Variants in RHCG observed in about 807,000 individuals in gnomAD.
RHCG encodes the protein Rh family C glycoprotein, also known as ammonium transporter Rh type C.
In RHCG, 39 loss-of-function variants were observed where a neutral mutation model predicts 55.3. The observed-to-expected ratio is 0.70, with a 90% CI of 0.55 to 0.92. The LOEUF (loss-of-function observed/expected upper bound fraction) is 0.92. Ranked by LOEUF, RHCG falls within the 40% of genes least tolerant of loss-of-function variation. The pLI, the probability that RHCG is intolerant of heterozygous loss-of-function variation, is 0.00. For missense variants in RHCG, 635 were observed against 627.9 expected, an observed-to-expected ratio of 1.01 and a Z score of -0.12; for synonymous variants, 250 against 246.8, an observed-to-expected ratio of 1.01 and a Z score of -0.12.
chr15:89,478,023 C>A, intron 5 of RHCG, 49 bp from the exon 6 acceptor site: 2 of 1,559,652 alleles, frequency 1.3e-6, no homozygotes, highest in South Asian at 1.2e-5. Flanking sequence ...CTCCCTGGAG[C>A]ACCGGGCCTG....
At chr15:89,490,506 A>G (rs1174384916) in intron 1 of RHCG, among the ~76,000 whole-genome samples, 1 of 152,238 alleles carries the variant, frequency 6.6e-6, no homozygotes, top group African/African-American at 2.4e-5. Context: ...GGTTTATCAC[A>G]TTTCTAACTG....
At chr15:89,480,215 A>G (rs560257094) in intron 4 of RHCG, 46 bp downstream of exon 4, 30 of 1,611,256 alleles carry the variant, frequency 1.9e-5, no homozygotes, top group Middle Eastern at 1.7e-4. Flanking sequence ...CATCATGGCC[A>G]CCTTCACCCA....
At chr15:89,496,300 T>C in intron 1 of RHCG, 61 bp downstream of exon 1, 1 of 1,578,136 alleles carries the variant, frequency 6.3e-7, no homozygotes, top group Non-Finnish European at 8.7e-7. Flanking sequence ...GGCCGAGCCC[T>C]TGGCCAGGTG....
At position 89,480,349 on chromosome 15, in the gene RHCG, T is replaced by C. The variant is rs1162809958; in HGVS notation, c.582A>G (p.Thr194=). ...IHTFGAYFGL[T]VTRILYRRNL... is the part of the protein sequence containing the mutation. ...TGCGTCGGTAGAGGATCCGGGTCAC[T>C]GTGAGCCCAAAGTAGGCGCCAAATG... The change falls in exon 4 of 11, where the codon ACA becomes ACG. Residue 194 remains threonine (T), a synonymous_variant. Coordinates refer to ENST00000268122, the MANE Select transcript of RHCG (RefSeq NM_016321.3). 6.2e-7 allele frequency: 1 copy of C among 1,614,186 alleles called. No individual in the cohort carries two copies. Among genetic ancestry groups the C allele is most frequent in the South Asian group, 1.1e-5 (1 of 91,078 alleles).
At chr15:89,478,031 C>T in intron 5 of RHCG, 57 bp from the exon 6 acceptor site, 2 of 1,546,854 alleles carry the variant, frequency 1.3e-6, no homozygotes, top group East Asian at 2.3e-5. Flanking sequence ...AGCACCGGGC[C>T]TGGAGGAGCT....
At position 89,477,305 on chromosome 15, in the gene RHCG, C is replaced by A; in HGVS notation, c.1113-99G>T. 6.6e-7 allele frequency: 1 copy of A among 1,523,234 alleles called. No homozygotes were observed. The highest frequency in any genetic ancestry group is 9.0e-7 in the Non-Finnish European group (1 of 1,113,652). The allele number at this position is 1,523,234 out of a possible 1,614,324, so 94.4% of individuals were successfully genotyped here. A position where few individuals can be genotyped will look rare whatever the true frequency, so the allele number is the denominator to read the frequency against. ...GTGACCGGGTACCACGGGCCTCAGC[C>A]TTCCCACCCACAACATGGGGACACC... On this transcript the variant is annotated intron_variant, in intron 7 of 10. Coordinates refer to ENST00000268122, the MANE Select transcript of RHCG (RefSeq NM_016321.3). This position sits in a 1 kb window ranked among gnomAD's most constrained non-coding sequence, Gnocchi z 4.5.
chr15:89,491,561 G>A (rs1240738340), intron 1 of RHCG, among the ~76,000 whole-genome samples: 1 of 152,218 alleles, frequency 6.6e-6, no homozygotes, highest in Admixed American at 6.5e-5. Flanking sequence ...GAGGTCAGGA[G>A]TTCGAGACCA....
rs2141889087 is a variant in RHCG, at chr15:89,477,113, C to G, written c.1206G>C (p.Leu402=). 6.2e-7 allele frequency: 1 copy of G among 1,614,056 alleles called. No individual in the cohort carries two copies. Among genetic ancestry groups the G allele is most frequent in the East Asian group, 2.2e-5 (1 of 44,862 alleles). The change falls in exon 8 of 11, where the codon CTG becomes CTC. Residue 402 remains leucine, a synonymous_variant. Coordinates refer to ENST00000268122, the MANE Select transcript of RHCG (RefSeq NM_016321.3). This position sits in a 1 kb window ranked among gnomAD's most constrained non-coding sequence, Gnocchi z 4.5. ...TGATGCCACCCATCAGGGCCATGGC[C>G]AGGGTCACCAAGAGACCATAAATCT... ...KFQIYGLLVT[L]AMALMGGIIV...
Position 89,496,370 on chromosome 15 carries a change from G to A in RHCG, c.175C>T (p.Arg59Cys), listed in dbSNP as rs2141906544. Reference sequence around the variant, plus strand: ...AGGCGGCGAGACTTACTTGGGTAGCGATAGTAGAATTCGTTCTCCATGTCG... The same window carrying A: ...AGGCGGCGAGACTTACTTGGGTAGCAATAGTAGAATTCGTTCTCCATGTCG... ...LSDMENEFYY[R>C]YPSFQDVHVM... The change falls in exon 1 of 11, where the codon CGC becomes TGC. Residue 59 changes from arginine to cysteine, a missense_variant. By Grantham distance (180) the Arg-to-Cys change is radical (BLOSUM62 -3). Coordinates refer to ENST00000268122, the MANE Select transcript of RHCG (RefSeq NM_016321.3). 6.2e-7 allele frequency: 1 copy of A among 1,613,872 alleles called. No homozygotes were observed. The highest frequency in any genetic ancestry group is 2.2e-5 in the East Asian group (1 of 44,874).
chr15:89,477,155 T>C lies in RHCG; in HGVS notation c.1164A>G (p.Arg388=). ...FQGFNGDWTA[R]TQGKFQIYGL... ...CATAAATCTGGAACTTTCCCTGTGTTCTTGCGGTCCAGTCCCCGTTGAAAC... is the reference window on the plus strand; with the variant it reads ...CATAAATCTGGAACTTTCCCTGTGTCCTTGCGGTCCAGTCCCCGTTGAAAC... Residue 388 remains arginine, a synonymous_variant, in exon 8 of 11, where the codon AGA becomes AGG. Coordinates refer to ENST00000268122, the MANE Select transcript of RHCG (RefSeq NM_016321.3). The surrounding 1 kb of genome is among the most constrained non-coding windows in gnomAD (Gnocchi z 4.5). 6.2e-7 allele frequency: 1 copy of C among 1,614,052 alleles called. No individual in the cohort carries two copies. Among genetic ancestry groups the C allele is most frequent in the Non-Finnish European group, 8.5e-7 (1 of 1,180,012 alleles).
chr15:89,477,617 A>C lies in RHCG; in HGVS notation c.1012T>G (p.Cys338Gly), dbSNP rs186987731. The C allele has an allele frequency of 2.4e-5, 38 of 1,614,022 alleles. No individual in the cohort carries two copies. In the African/African-American group the frequency reaches 4.3e-4, roughly 18 times the overall value. ...LESRLHIQDT[C>G]GINNLHGIPG... ...ATGCCATGCAGATTGTTAATGCCAC[A>C]TGTGTCCTGGATGTGCAGCCGGGAC... is the stretch of plus-strand genomic sequence containing the variant. The change falls in exon 7 of 11, where the codon TGT becomes GGT. Residue 338 changes from cysteine to glycine, a missense_variant. Cys to Gly is a radical substitution (Grantham distance 159). Transcript: ENST00000268122. The surrounding 1 kb of genome is among the most constrained non-coding windows in gnomAD (Gnocchi z 4.5).
At chr15:89,494,863 G>A (rs1023515149) in intron 1 of RHCG, among the ~76,000 whole-genome samples, 4 of 152,042 alleles carry the variant, frequency 2.6e-5, no homozygotes, top group Non-Finnish European at 5.9e-5. Flanking sequence ...ACCTGTGAAC[G>A]CCCATGGGAG....
intron 1 of RHCG, among the ~76,000 whole-genome samples, chr15:89,491,553 G>A (rs1168165027): frequency 6.6e-6 from 1 of 152,182 alleles, no homozygotes; most frequent in African/African-American, 2.4e-5. Context: ...GTTCACTTGA[G>A]GTCAGGAGTT....
At chr15:89,486,267 G>C in intron 2 of RHCG, 1 of 456,628 alleles carries the variant, frequency 2.2e-6, no homozygotes, top group South Asian at 1.5e-5. Context: ...AGGGAGAGAG[G>C]TACCTCCATT....
intron 9 of RHCG, among the ~76,000 whole-genome samples, chr15:89,475,188 G>T (rs62020821): frequency 1.4e-5 from 2 of 139,326 alleles, no homozygotes; most frequent in Non-Finnish European, 3.2e-5. Flanking sequence ...CTGCCTGCCT[G>T]CCTTCCTTCC....
At chr15:89,491,314 T>G (rs1052763537) in intron 1 of RHCG, among the ~76,000 whole-genome samples, 4 of 152,216 alleles carry the variant, frequency 2.6e-5, no homozygotes, top group Admixed American at 6.5e-5. Flanking sequence ...TTTCTTCTCT[T>G]CCCTCCGTCA....
rs1961173854 is a variant in RHCG at position 89,477,504 on chromosome 15, C to T, written c.1112+13G>A. On this transcript the variant is annotated intron_variant, in intron 7 of 10. Transcript: ENST00000268122. The surrounding 1 kb of genome is among the most constrained non-coding windows in gnomAD (Gnocchi z 4.5). ...GGGGAAGCTCCATCCCACCGCACCT[C>T]CTCCACATTTACCCTTCTTTTCCAT... The T allele has an allele frequency of 6.2e-7, 1 of 1,613,590 alleles. No homozygotes were observed. The highest frequency in any genetic ancestry group is 1.3e-5 in the African/African-American group (1 of 74,902).
intron 1 of RHCG, among the ~76,000 whole-genome samples, chr15:89,494,465 C>T (rs2141904868): frequency 3.3e-5 from 5 of 152,238 alleles, no homozygotes; most frequent in Admixed American, 3.3e-4. Flanking sequence ...TATGATCACA[C>T]TACAGATAAG....
chr15:89,480,845 C>T (rs1375661591), intron 3 of RHCG, among the ~76,000 whole-genome samples: 1 of 152,258 alleles, frequency 6.6e-6, no homozygotes, highest in African/African-American at 2.4e-5. Flanking sequence ...CAACTTGCCC[C>T]TGGCGAGGGC....
Sources: gnomAD v4.1 joint callset for allele counts (sites outside exome capture counted in the v4.1 genomes callset) on GRCh38, gnomAD v4.1.1 for gene constraint, Gnocchi (gnomAD v3.1) non-coding constraint, MANE v1.5 for transcripts, NCBI Gene and HGNC (gene_info 2026-07-23, HGNC 2026-07-21) for gene names.